XKR4: variants seen among roughly 807,000 people sequenced by gnomAD.
XKR4 encodes XK related 4.
XKR4 carries 12 observed loss-of-function variants against 53.9 expected under a neutral mutation model. The observed-to-expected ratio is 0.22, with a 90% CI of 0.14 to 0.36. XKR4 has a LOEUF of 0.36. XKR4 is among the 10% of genes least tolerant of loss of function. The pLI, the probability that XKR4 is intolerant of heterozygous loss-of-function variation, is 1.00. For missense variants in XKR4, 799 were observed against 859.5 expected, an observed-to-expected ratio of 0.93 and a Z score of 0.88; for synonymous variants, 354 against 362.4, an observed-to-expected ratio of 0.98 and a Z score of 0.26.
intron 1 of XKR4, among the ~76,000 whole-genome samples, chr8:55,279,034 A>G (rs1326081022): frequency 1.3e-5 from 2 of 152,216 alleles, no homozygotes; most frequent in Admixed American, 1.3e-4. Flanking sequence ...GTCCAAAAAG[A>G]TGAATTCATT....
intron 1 of XKR4, among the ~76,000 whole-genome samples, chr8:55,156,735 T>A (rs1437283012): frequency 6.6e-6 from 1 of 152,200 alleles, no homozygotes; most frequent in African/African-American, 2.4e-5. Context: ...GTTAAAAAGT[T>A]CTTAAGAAAT....
intron 1 of XKR4, among the ~76,000 whole-genome samples, chr8:55,303,417 T>A (rs1819236328): frequency 6.6e-6 from 1 of 152,316 alleles, no homozygotes; most frequent in Non-Finnish European, 1.5e-5. Flanking sequence ...TATTGAGGAT[T>A]TTTGCATCAA....
chr8:55,111,392 C>T (rs1417402376), intron 1 of XKR4, among the ~76,000 whole-genome samples: 5 of 152,144 alleles, frequency 3.3e-5, no homozygotes, highest in Non-Finnish European at 7.4e-5. Context: ...GGTATATGCA[C>T]TAGAATGTCT....
At position 55,401,117 on chromosome 8, in the gene XKR4, G is replaced by A. The variant is rs142835314; in HGVS notation, c.1006+43240G>A. ...TCTGGGTCAGTAACCGTGGAGACACGCAGGCGCCAGCATTTGCACACTGAC... is the reference window on the plus strand; with the variant it reads ...TCTGGGTCAGTAACCGTGGAGACACACAGGCGCCAGCATTTGCACACTGAC... On this transcript the variant is annotated intron_variant, in intron 2 of 2. Transcript: ENST00000327381. Among the ~76,000 whole-genome samples the A allele has an allele frequency of 9.8e-5, 15 of 152,312 alleles. 1 individual carries two copies. The highest frequency in any genetic ancestry group is 3.9e-4 in the Admixed American group (6 of 15,294).
chr8:55,171,807 A>T (rs963967512), intron 1 of XKR4, among the ~76,000 whole-genome samples: 1 of 151,956 alleles, frequency 6.6e-6, no homozygotes, highest in Non-Finnish European at 1.5e-5. Context: ...CCCGAGCTAC[A>T]TTCCCTGTTC....
intron 2 of XKR4, among the ~76,000 whole-genome samples, chr8:55,358,749 T>C (rs1316152981): frequency 6.6e-6 from 1 of 152,230 alleles, no homozygotes; most frequent in African/African-American, 2.4e-5. Context: ...TATTGTAAGG[T>C]GCTCGTTTTG....
intron 1 of XKR4, among the ~76,000 whole-genome samples, chr8:55,121,968 C>T (rs1454987857): frequency 6.6e-6 from 1 of 151,850 alleles, no homozygotes; most frequent in Non-Finnish European, 1.5e-5. Flanking sequence ...CTCTAATGGA[C>T]CTGAATGGAG....
At chr8:55,426,362 T>G (rs1042824704) in intron 2 of XKR4, among the ~76,000 whole-genome samples, 1 of 152,120 alleles carries the variant, frequency 6.6e-6, no homozygotes, top group Non-Finnish European at 1.5e-5. Flanking sequence ...ACTCATGGCA[T>G]GCTCACTTGC....
chr8:55,326,052 C>T (rs1202809099), intron 1 of XKR4, among the ~76,000 whole-genome samples: 2 of 152,108 alleles, frequency 1.3e-5, no homozygotes, highest in African/African-American at 4.8e-5. Context: ...AATGCCAAAC[C>T]GAAGAATGTG....
rs534144828 is a variant in XKR4 at position 55,409,243 on chromosome 8, C to T, written c.1006+51366C>T. Among the ~76,000 whole-genome samples the T allele has an allele frequency of 3.3e-5, 5 of 150,692 alleles. No individual in the cohort carries two copies. In the East Asian group the frequency reaches 5.9e-4, roughly 18 times the overall value. On this transcript the variant is annotated intron_variant, in intron 2 of 2. Transcript: ENST00000327381. ...CTGGCAGGCAGCAAGCAGGCACCTGCCTGCCCTAGCTCTACACTAGAGTTT... is the reference window on the plus strand; with the variant it reads ...CTGGCAGGCAGCAAGCAGGCACCTGTCTGCCCTAGCTCTACACTAGAGTTT...
At chr8:55,209,665 G>A (rs1225456729) in intron 1 of XKR4, among the ~76,000 whole-genome samples, 1 of 152,184 alleles carries the variant, frequency 6.6e-6, no homozygotes, top group African/African-American at 2.4e-5. Flanking sequence ...CACATGGTTT[G>A]TGAGGTTGAT....
chr8:55,368,110 A>G (rs2622560), intron 2 of XKR4, among the ~76,000 whole-genome samples: 27,645 of 151,846 alleles, frequency 0.18, 3,490 homozygotes, highest in African/African-American at 0.36. Flanking sequence ...ACAGGCACAC[A>G]CCACCACACC....
chr8:55,433,625 C>T (rs73591654), intron 2 of XKR4, among the ~76,000 whole-genome samples: 1,776 of 152,232 alleles, frequency 0.012, 30 homozygotes, highest in African/African-American at 0.034. Context: ...CAAATGAAAC[C>T]TTTGAAAAGG....
At chr8:55,217,612 A>C (rs1817823732) in intron 1 of XKR4, among the ~76,000 whole-genome samples, 1 of 152,238 alleles carries the variant, frequency 6.6e-6, no homozygotes. Context: ...CAAAGCATGG[A>C]CTATTACTCA....
At position 55,475,320 on chromosome 8, in the gene XKR4, T is replaced by A. The variant is rs113080053; in HGVS notation, c.1007-47961T>A. Among the ~76,000 whole-genome samples the A allele has an allele frequency of 2.9e-3, 447 of 152,194 alleles. 5 individuals are homozygous for A. The highest frequency in any genetic ancestry group is 0.01 in the African/African-American group (422 of 41,474). On this transcript the variant is annotated intron_variant, in intron 2 of 2. Coordinates refer to ENST00000327381, the MANE Select transcript of XKR4 (RefSeq NM_052898.2). ...CCAAATTACACAACATACAGGGGAA[T>A]TCCATGCCTGAAAATGTGGATTGTC...
At chr8:55,225,572 C>T (rs1269627658) in intron 1 of XKR4, among the ~76,000 whole-genome samples, 2 of 152,166 alleles carry the variant, frequency 1.3e-5, no homozygotes, top group Non-Finnish European at 2.9e-5. Context: ...GTGGGTTTAA[C>T]AGTGACCCAC....
chr8:55,247,624 G>T (rs1363445324), intron 1 of XKR4, among the ~76,000 whole-genome samples: 1 of 151,996 alleles, frequency 6.6e-6, no homozygotes, highest in South Asian at 2.1e-4. Flanking sequence ...TGCTAAACAT[G>T]CAGGGAGATG....
intron 1 of XKR4, among the ~76,000 whole-genome samples, chr8:55,110,604 G>A (rs896091996): frequency 6.6e-6 from 1 of 152,144 alleles, no homozygotes; most frequent in African/African-American, 2.4e-5. Flanking sequence ...GATTACTAGT[G>A]TTGGGAAAAT....
intron 2 of XKR4, among the ~76,000 whole-genome samples, chr8:55,464,306 G>A (rs902115751): frequency 6.6e-6 from 1 of 152,152 alleles, no homozygotes; most frequent in Admixed American, 6.5e-5. Flanking sequence ...TCCCTGGGAT[G>A]CAAGGCTGGT....
Sources: gnomAD v4.1 joint callset for allele counts (sites outside exome capture counted in the v4.1 genomes callset) on GRCh38, gnomAD v4.1.1 for gene constraint, MANE v1.5 for transcripts, NCBI Gene and HGNC (gene_info 2026-07-23, HGNC 2026-07-21) for gene names.